The following FGF14 variants were observed in gnomAD, a reference collection of about 807,000 sequenced individuals.
FGF14 encodes fibroblast growth factor 14.
FGF14 carries 5 observed loss-of-function variants against 25.5 expected under a neutral mutation model. That is an observed-to-expected ratio of 0.20 (90% CI 0.10 to 0.41). The LOEUF is 0.41. Ranked by LOEUF, FGF14 falls within the 10% of genes least tolerant of loss-of-function variation. The pLI is 1.00. For synonymous variants in FGF14, 138 were observed against 118.3 expected (o/e 1.17, Z -1.08); for missense variants, 222 against 320.1 (o/e 0.69, Z 2.34).
chr13:102,101,552 A>C (rs953170880), intron 1 of FGF14, among the ~76,000 whole-genome samples: 1 of 152,336 alleles, frequency 6.6e-6, no homozygotes, highest in Non-Finnish European at 1.5e-5. Context: ...AAGGCAATAA[A>C]GTGTACCCAT....
intron 2 of FGF14, among the ~76,000 whole-genome samples, 160 bp downstream of exon 2, chr13:101,875,026 C>G (rs1340613466): frequency 6.6e-6 from 1 of 151,936 alleles, no homozygotes; most frequent in African/African-American, 2.4e-5. Flanking sequence ...TATTTTCATC[C>G]ACGTAGTTTA....
intron 3 of FGF14, among the ~76,000 whole-genome samples, chr13:101,786,273 A>G (rs1320587895): frequency 1.3e-5 from 2 of 152,188 alleles, no homozygotes; most frequent in African/African-American, 4.8e-5. Context: ...TTTCTCTGAG[A>G]ACAGGAATTT....
intron 1 of FGF14, among the ~76,000 whole-genome samples, chr13:102,051,512 G>A (rs1004440527): frequency 1.3e-5 from 2 of 152,144 alleles, no homozygotes; most frequent in African/African-American, 2.4e-5. Context: ...AGGACCTGCT[G>A]AGCCATAACT....
chr13:102,161,574 A>ACCCC (rs370346594), intron 1 of FGF14, among the ~76,000 whole-genome samples: 1 of 5,310 alleles, frequency 1.9e-4, no homozygotes, highest in African/African-American at 8.0e-4. Context: ...GTGAAGAAAG[A>ACCCC]AAGAAGAAGA....
chr13:101,790,128 GTT>G (rs35108416), intron 3 of FGF14, among the ~76,000 whole-genome samples: 3 of 108,386 alleles, frequency 2.8e-5, no homozygotes, highest in African/African-American at 9.6e-5. Context: ...TAGTATTTTG[GTT>G]TTTTTTTTCA....
chr13:101,716,573 T>C lies in FGF14; in HGVS notation c.*6258A>G, dbSNP rs892448131. On this transcript the variant is annotated 3_prime_UTR_variant, in exon 5 of 5. Coordinates refer to ENST00000376143, the MANE Select transcript of FGF14 (RefSeq NM_004115.4). ...GGGCAGGGGTTATGCGTACAAGAAATCTGATTTTTTATTTTAATTTATTCC... is the reference window on the plus strand; with the variant it reads ...GGGCAGGGGTTATGCGTACAAGAAACCTGATTTTTTATTTTAATTTATTCC... 4 of 152,126 alleles carry C rather than the reference T, an allele frequency of 2.6e-5. No individual in the cohort carries two copies. Among genetic ancestry groups the C allele is most frequent in the African/African-American group, 9.7e-5 (4 of 41,450 alleles). The allele number at this position is 152,126 out of a possible 1,614,324, so 9.4% of individuals were successfully genotyped here. A position where few individuals can be genotyped will look rare whatever the true frequency, so the allele number is the denominator to read the frequency against.
chr13:101,957,126 C>T (rs2139431872), intron 1 of FGF14, among the ~76,000 whole-genome samples: 1 of 152,262 alleles, frequency 6.6e-6, no homozygotes, highest in Non-Finnish European at 1.5e-5. Flanking sequence ...CAGTGTTTCA[C>T]TCCAGCAACT....
intron 1 of FGF14, among the ~76,000 whole-genome samples, chr13:102,056,850 C>A (rs554769474): frequency 2.0e-5 from 3 of 149,562 alleles, no homozygotes; most frequent in African/African-American, 7.3e-5. Flanking sequence ...AAAATAATTT[C>A]AATAGAATTA....
chr13:101,804,793 C>G (rs72660380), intron 3 of FGF14, among the ~76,000 whole-genome samples: 6,727 of 152,066 alleles, frequency 0.044, 216 homozygotes, highest in Middle Eastern at 0.071. Context: ...TTTTGTTTTA[C>G]TTGACAGTTA....
At chr13:101,824,032 T>A (rs2042288317) in intron 3 of FGF14, among the ~76,000 whole-genome samples, 1 of 152,138 alleles carries the variant, frequency 6.6e-6, no homozygotes, top group Non-Finnish European at 1.5e-5. Flanking sequence ...AACAATTTCC[T>A]AATAGTATAC....
intron 1 of FGF14, among the ~76,000 whole-genome samples, chr13:102,204,700 C>T (rs1217070915): frequency 6.6e-6 from 1 of 152,092 alleles, no homozygotes; most frequent in African/African-American, 2.4e-5. Flanking sequence ...GCATGCACCA[C>T]CACGCCTGGC....
At chr13:101,992,034 A>G (rs896606798) in intron 1 of FGF14, among the ~76,000 whole-genome samples, 2 of 152,288 alleles carry the variant, frequency 1.3e-5, no homozygotes, top group African/African-American at 2.4e-5. Context: ...TTCTTCTCAG[A>G]TAGCTGAGAG....
At chr13:102,137,388 G>A (rs370844901) in intron 1 of FGF14, among the ~76,000 whole-genome samples, 3 of 152,090 alleles carry the variant, frequency 2.0e-5, no homozygotes, top group South Asian at 4.1e-4. Context: ...AAAGTATCTC[G>A]AAACTACACA....
intron 1 of FGF14, among the ~76,000 whole-genome samples, chr13:101,964,349 C>G (rs557507763): frequency 6.6e-6 from 1 of 152,016 alleles, no homozygotes; most frequent in South Asian, 2.1e-4. Context: ...CAACTGGATA[C>G]GAAATGCAAA....
intron 1 of FGF14, among the ~76,000 whole-genome samples, chr13:102,230,523 C>A (rs1220786021): frequency 6.6e-6 from 1 of 152,246 alleles, no homozygotes. Context: ...ACCAGCTCCC[C>A]CTTCCTAGCC....
intron 1 of FGF14, among the ~76,000 whole-genome samples, chr13:102,398,938 C>T (rs955358376): frequency 6.7e-6 from 1 of 150,176 alleles, no homozygotes; most frequent in African/African-American, 2.4e-5. Flanking sequence ...CTGGTTGGAA[C>T]TCATATCCCT....
intron 1 of FGF14, among the ~76,000 whole-genome samples, chr13:102,062,867 T>C (rs576551485): frequency 2.0e-5 from 3 of 152,312 alleles, no homozygotes; most frequent in African/African-American, 7.2e-5. Flanking sequence ...AATATTATAA[T>C]TTTCACTAAA....
intron 1 of FGF14, among the ~76,000 whole-genome samples, chr13:101,943,820 A>ATAT (rs1555324427): frequency 2.2e-4 from 27 of 121,164 alleles, no homozygotes; most frequent in African/African-American, 1.3e-3. Context: ...CTTAAAAAAA[A>ATAT]AAAAAAATAT....
intron 1 of FGF14, among the ~76,000 whole-genome samples, chr13:102,252,161 G>T (rs7338421): frequency 6.6e-6 from 1 of 152,056 alleles, no homozygotes; most frequent in African/African-American, 2.4e-5. Flanking sequence ...AGCCACTTGC[G>T]AAATGTAGGT....
Sources: gnomAD v4.1 joint callset for allele counts (sites outside exome capture counted in the v4.1 genomes callset) on GRCh38, gnomAD v4.1.1 for gene constraint, MANE v1.5 for transcripts, NCBI Gene and HGNC (gene_info 2026-07-23, HGNC 2026-07-21) for gene names.